Variants in PDGFD observed in about 807,000 individuals in gnomAD.
PDGFD encodes platelet derived growth factor D, also known as platelet-derived growth factor D.
In PDGFD, 30 loss-of-function variants were observed where a neutral mutation model predicts 44.7. That is an observed-to-expected ratio of 0.67 (90% CI 0.50 to 0.91). PDGFD has a LOEUF of 0.91. Ranked by LOEUF, PDGFD falls within the 40% of genes least tolerant of loss-of-function variation. The pLI is 0.00. For missense variants in PDGFD, 445 were observed against 457.8 expected (o/e 0.97, Z 0.25); for synonymous variants, 173 against 168.4 (o/e 1.03, Z -0.21).
intron 3 of PDGFD, among the ~76,000 whole-genome samples, chr11:103,994,272 T>C (rs1474152438): frequency 6.6e-6 from 1 of 152,194 alleles, no homozygotes; most frequent in Admixed American, 6.6e-5. Context: ...ATAATTCTTC[T>C]CTAAGCCTAT....
chr11:104,131,744 T>C (rs895033442), intron 1 of PDGFD, among the ~76,000 whole-genome samples: 3 of 143,628 alleles, frequency 2.1e-5, no homozygotes, highest in African/African-American at 7.7e-5. Context: ...CTAATCTCCT[T>C]AGACAGAGAC....
chr11:104,075,044 C>A (rs538968938), intron 1 of PDGFD, among the ~76,000 whole-genome samples: 12 of 152,258 alleles, frequency 7.9e-5, no homozygotes, highest in African/African-American at 2.9e-4. Flanking sequence ...AAATGTGTTA[C>A]AATATGCAAC....
At chr11:104,061,796 C>T (rs983778413) in intron 1 of PDGFD, among the ~76,000 whole-genome samples, 7 of 151,990 alleles carry the variant, frequency 4.6e-5, no homozygotes, top group Non-Finnish European at 8.8e-5. Flanking sequence ...TTAGTAGAGA[C>T]GGGGCTTGGC....
At chr11:104,052,216 C>G (rs1327652857) in intron 1 of PDGFD, among the ~76,000 whole-genome samples, 2 of 152,090 alleles carry the variant, frequency 1.3e-5, no homozygotes, top group African/African-American at 2.4e-5. Flanking sequence ...ATGGCTGAAG[C>G]CAACATGCTT....
At chr11:103,942,031 A>G (rs1416076389) in intron 5 of PDGFD, among the ~76,000 whole-genome samples, 1 of 152,138 alleles carries the variant, frequency 6.6e-6, no homozygotes, top group African/African-American at 2.4e-5. Flanking sequence ...CCATAACACC[A>G]GGGCCACCAG....
chr11:103,927,957 T>C (rs1291600130), intron 5 of PDGFD, among the ~76,000 whole-genome samples: 1 of 152,222 alleles, frequency 6.6e-6, no homozygotes, highest in Non-Finnish European at 1.5e-5. Context: ...CCCTCTCACA[T>C]TCTTTTCCTT....
intron 1 of PDGFD, among the ~76,000 whole-genome samples, chr11:104,030,837 C>T (rs1410147055): frequency 6.6e-6 from 1 of 152,262 alleles, no homozygotes; most frequent in East Asian, 1.9e-4. Flanking sequence ...GACACTTCCT[C>T]TAGTGAGTAT....
intron 3 of PDGFD, among the ~76,000 whole-genome samples, chr11:103,954,049 A>G (rs1018274767): frequency 6.6e-6 from 1 of 152,268 alleles, no homozygotes; most frequent in African/African-American, 2.4e-5. Flanking sequence ...TGGGGCTATA[A>G]TAACATTACA....
chr11:104,099,860 T>C (rs915364049), intron 1 of PDGFD, among the ~76,000 whole-genome samples: 2 of 152,036 alleles, frequency 1.3e-5, no homozygotes, highest in Admixed American at 1.3e-4. Flanking sequence ...TCACCCTTCA[T>C]GCATGTTACG....
chr11:104,135,946 A>G (rs1160275343), intron 1 of PDGFD, among the ~76,000 whole-genome samples: 1 of 152,196 alleles, frequency 6.6e-6, no homozygotes, highest in African/African-American at 2.4e-5. Flanking sequence ...ACAGAAGTGG[A>G]ACCATTAACT....
chr11:104,012,149 C>G lies in PDGFD; in HGVS notation c.125-11894G>C, dbSNP rs141049214. Among the ~76,000 whole-genome samples the G allele has an allele frequency of 1.4e-3, 214 of 152,266 alleles. 1 individual carries two copies. The highest frequency in any genetic ancestry group is 5.0e-3 in the African/African-American group (207 of 41,566). On this transcript the variant is annotated intron_variant, in intron 1 of 6. Coordinates refer to ENST00000393158, the MANE Select transcript of PDGFD (RefSeq NM_025208.5). ...TTAACATCTAGTGATACCTAACCCACATAAGCAGAAAATGATACAATTAAT... is the reference window on the plus strand; with the variant it reads ...TTAACATCTAGTGATACCTAACCCAGATAAGCAGAAAATGATACAATTAAT...
chr11:104,156,545 G>A (rs1406839084), intron 1 of PDGFD, among the ~76,000 whole-genome samples: 1 of 151,974 alleles, frequency 6.6e-6, no homozygotes, highest in Non-Finnish European at 1.5e-5. Flanking sequence ...CATAATGAAA[G>A]ACAGCTCCCA....
intron 1 of PDGFD, among the ~76,000 whole-genome samples, chr11:104,142,490 T>C (rs1339867873): frequency 6.6e-6 from 1 of 152,152 alleles, no homozygotes; most frequent in African/African-American, 2.4e-5. Context: ...GATGATCTAA[T>C]AGATTTTTTA....
At chr11:103,933,428 A>T (rs759099701) in intron 5 of PDGFD, among the ~76,000 whole-genome samples, 1 of 152,260 alleles carries the variant, frequency 6.6e-6, no homozygotes, top group Non-Finnish European at 1.5e-5. Flanking sequence ...CAATTATTTT[A>T]TAAGTTTTAA....
chr11:104,080,524 G>A (rs945147798), intron 1 of PDGFD, among the ~76,000 whole-genome samples: 1 of 152,110 alleles, frequency 6.6e-6, no homozygotes, highest in African/African-American at 2.4e-5. Context: ...TTTGACATTC[G>A]CTGCATATCA....
intron 1 of PDGFD, among the ~76,000 whole-genome samples, chr11:104,116,688 GTT>G (rs1861644036): frequency 4.6e-5 from 7 of 152,004 alleles, no homozygotes; most frequent in African/African-American, 1.7e-4. Context: ...CACTGATATA[GTT>G]TGGCTGTGGC....
chr11:104,110,952 T>G (rs1201122162), intron 1 of PDGFD, among the ~76,000 whole-genome samples: 1 of 152,116 alleles, frequency 6.6e-6, no homozygotes, highest in Non-Finnish European at 1.5e-5. Flanking sequence ...ACCAAAAATG[T>G]TTTTTTGTCC....
chr11:104,121,225 C>T (rs958772017), intron 1 of PDGFD, among the ~76,000 whole-genome samples: 1 of 151,974 alleles, frequency 6.6e-6, no homozygotes, highest in African/African-American at 2.4e-5. Flanking sequence ...ACACATTATT[C>T]TTTTCTTCAG....
rs554559549 is a variant in PDGFD, at chr11:104,061,444, G to A, written c.125-61189C>T. The stretch of plus-strand genomic sequence containing the variant: ...ATTTGAACACCCATCTAAATCGGGA[G>A]GGAGCGGGCAAAAAAGACTTAACAG... On this transcript the variant is annotated intron_variant, in intron 1 of 6. Coordinates refer to ENST00000393158, the MANE Select transcript of PDGFD (RefSeq NM_025208.5). Among the ~76,000 whole-genome samples, 16 of 152,282 alleles carry A rather than the reference G, an allele frequency of 1.1e-4. No individual in the cohort carries two copies. The South Asian group carries it at 3.1e-3, about 30-fold the overall frequency.
Sources: gnomAD v4.1 joint callset for allele counts (sites outside exome capture counted in the v4.1 genomes callset) on GRCh38, gnomAD v4.1.1 for gene constraint, MANE v1.5 for transcripts, NCBI Gene and HGNC (gene_info 2026-07-23, HGNC 2026-07-21) for gene names.